The following DLG2 variants were observed in gnomAD, a reference collection of about 807,000 sequenced individuals.
DLG2 encodes discs large MAGUK scaffold protein 2.
A neutral mutation model predicts 132.5 loss-of-function variants in DLG2; 45 were observed. The observed-to-expected ratio is 0.34, with a 90% CI of 0.27 to 0.44. The LOEUF is 0.44. DLG2 is among the 20% of genes least tolerant of loss of function. The pLI is 1.00. For synonymous variants in DLG2, 424 were observed against 419.6 expected (o/e 1.01, Z -0.13); for missense variants, 1,045 against 1,196.9 (o/e 0.87, Z 1.87).
At chr11:85,360,125 A>G (rs755577925) in intron 3 of DLG2, among the ~76,000 whole-genome samples, 12 of 152,220 alleles carry the variant, frequency 7.9e-5, no homozygotes, top group Non-Finnish European at 1.3e-4. Context: ...AAAGTCCTCT[A>G]CAATTCAAAA....
At chr11:83,728,446 A>T (rs2090423097) in intron 18 of DLG2, among the ~76,000 whole-genome samples, 1 of 152,110 alleles carries the variant, frequency 6.6e-6, no homozygotes, top group Non-Finnish European at 1.5e-5. Context: ...TCTAAAACAC[A>T]CTCAAACACT....
At chr11:85,325,328 C>T (rs1434467285) in intron 3 of DLG2, among the ~76,000 whole-genome samples, 1 of 152,094 alleles carries the variant, frequency 6.6e-6, no homozygotes, top group Non-Finnish European at 1.5e-5. Context: ...AGGGCACAGA[C>T]AAACAAAAAG....
chr11:83,979,851 T>C (rs2092626001), intron 12 of DLG2, among the ~76,000 whole-genome samples: 1 of 152,184 alleles, frequency 6.6e-6, no homozygotes, highest in African/African-American at 2.4e-5. Context: ...CAGCAGTCTA[T>C]AAATAGTAAT....
chr11:85,504,379 T>G (rs550030459), intron 3 of DLG2, among the ~76,000 whole-genome samples: 4 of 152,332 alleles, frequency 2.6e-5, no homozygotes, highest in South Asian at 4.1e-4. Context: ...CATCTTGAAT[T>G]AATTTTTGTA....
At chr11:85,019,930 G>C (rs148368746) in intron 6 of DLG2, among the ~76,000 whole-genome samples, 1 of 152,104 alleles carries the variant, frequency 6.6e-6, no homozygotes, top group African/African-American at 2.4e-5. Context: ...GTAAACATAC[G>C]TGTGCATGTG....
chr11:84,048,804 A>T (rs2096291559), intron 11 of DLG2, among the ~76,000 whole-genome samples: 2 of 151,654 alleles, frequency 1.3e-5, no homozygotes, highest in African/African-American at 4.8e-5. Context: ...CCAAGTTATT[A>T]TGGTTACAAG....
chr11:84,923,045 T>G (rs1386539184), intron 6 of DLG2: 1 of 1,613,530 alleles, frequency 6.2e-7, no homozygotes, highest in Admixed American at 1.7e-5. Flanking sequence ...AACATGTATA[T>G]TGTGCCCAGT....
intron 3 of DLG2, among the ~76,000 whole-genome samples, chr11:85,368,233 A>C (rs2084700648): frequency 6.6e-6 from 1 of 152,230 alleles, no homozygotes; most frequent in Non-Finnish European, 1.5e-5. Flanking sequence ...TGGTGAAAAG[A>C]GAAAATTATA....
intron 7 of DLG2, among the ~76,000 whole-genome samples, chr11:84,441,025 ATAAG>A (rs2099015656): frequency 6.6e-6 from 1 of 152,188 alleles, no homozygotes; most frequent in Non-Finnish European, 1.5e-5. Context: ...CTATTGAGAC[ATAAG>A]TAAGTTAATG....
intron 6 of DLG2, among the ~76,000 whole-genome samples, chr11:85,099,566 T>C (rs764561520): frequency 4.6e-5 from 7 of 152,208 alleles, no homozygotes; most frequent in Non-Finnish European, 1.0e-4. Context: ...TATGGCCTTC[T>C]ATTTTAACAT....
chr11:84,022,226 G>C (rs78966439), intron 11 of DLG2, among the ~76,000 whole-genome samples: 3 of 152,006 alleles, frequency 2.0e-5, no homozygotes, highest in Non-Finnish European at 4.4e-5. Context: ...AAAAACATTC[G>C]GGGCATCCTT....
chr11:84,721,774 T>C (rs775495878), intron 6 of DLG2, among the ~76,000 whole-genome samples: 7 of 152,160 alleles, frequency 4.6e-5, no homozygotes, highest in Non-Finnish European at 1.0e-4. Flanking sequence ...AGATGTGGCT[T>C]TGTGTAAGTC....
intron 7 of DLG2, among the ~76,000 whole-genome samples, chr11:84,284,210 G>T (rs933686853): frequency 6.6e-6 from 1 of 152,132 alleles, no homozygotes; most frequent in African/African-American, 2.4e-5. Flanking sequence ...ATCCAGCCTG[G>T]GCAACAAGAG....
intron 3 of DLG2, among the ~76,000 whole-genome samples, chr11:85,344,892 AG>A (rs1396214795): frequency 6.6e-6 from 1 of 152,142 alleles, no homozygotes; most frequent in Non-Finnish European, 1.5e-5. Flanking sequence ...GAAAATAAAA[AG>A]TTGATAGTAA....
intron 17 of DLG2, among the ~76,000 whole-genome samples, chr11:83,821,412 T>C (rs1399678705): frequency 1.3e-5 from 2 of 151,900 alleles, no homozygotes; most frequent in Admixed American, 6.6e-5. Flanking sequence ...AAGAAACTTA[T>C]TATGGATTTT....
chr11:84,582,313 A>T (rs897349342), intron 6 of DLG2, among the ~76,000 whole-genome samples: 13 of 150,808 alleles, frequency 8.6e-5, no homozygotes, highest in Admixed American at 4.0e-4. Context: ...ATATATATAT[A>T]TTTTAACTTA....
chr11:84,751,080 C>G (rs560250719), intron 6 of DLG2, among the ~76,000 whole-genome samples: 1 of 152,150 alleles, frequency 6.6e-6, no homozygotes, highest in African/African-American at 2.4e-5. Context: ...AGACAGGTAG[C>G]TGAATTATTT....
chr11:84,936,712 A>G (rs2048790414), intron 6 of DLG2: 1 of 152,190 alleles, frequency 6.6e-6, no homozygotes, highest in South Asian at 2.1e-4. Flanking sequence ...TTTTTCTACA[A>G]TGAGCATGGC....
At chr11:84,532,412 A>G (rs1390596597) in intron 7 of DLG2, among the ~76,000 whole-genome samples, 2 of 152,112 alleles carry the variant, frequency 1.3e-5, no homozygotes, top group Non-Finnish European at 2.9e-5. Flanking sequence ...TACTTAGCCT[A>G]AAGTTCTTTG....
Sources: allele counts gnomAD v4.1 joint callset (sites outside exome capture counted in the v4.1 genomes callset), GRCh38; gene constraint gnomAD v4.1.1; transcripts MANE v1.5; gene names NCBI Gene and HGNC (gene_info 2026-07-23, HGNC 2026-07-21).